The following NHLRC2 variants were observed in gnomAD, a reference collection of about 807,000 sequenced individuals.
The protein encoded by NHLRC2 is NHL repeat-containing protein 2.
A neutral mutation model predicts 68.1 loss-of-function variants in NHLRC2; 33 were observed. That is an observed-to-expected ratio of 0.48 (90% CI 0.37 to 0.65). NHLRC2 has a LOEUF of 0.65. Among genes scored for constraint, NHLRC2 ranks in the 30% least tolerant of loss-of-function variants. The pLI, the probability that NHLRC2 is intolerant of heterozygous loss-of-function variation, is 0.00. For synonymous variants in NHLRC2, 311 were observed against 309.6 expected (o/e 1.00, Z -0.05); for missense variants, 761 against 853.8 (o/e 0.89, Z 1.35).
rs58207579 is a variant in NHLRC2, at chr10:113,874,442, T to TTG, written c.332-2027_332-2026dup. 4.2e-3 allele frequency among the ~76,000 whole-genome samples: 534 copies of TTG among 125,722 alleles called. 2 individuals are homozygous for TTG. Among genetic ancestry groups the TTG allele is most frequent in the African/African-American group, 8.3e-3 (283 of 34,040 alleles). 82.5% of individuals were successfully genotyped at this position (125,722 alleles called of 152,430 possible). On this transcript the variant is annotated intron_variant, in intron 2 of 10. Coordinates refer to ENST00000369301, the MANE Select transcript of NHLRC2 (RefSeq NM_198514.4). ...TCCCAGCTGCTTTCAAGGCATGTGT[T>TTG]TGTGTGTGTGTGTGTGTGTGTGTGT...
chr10:113,861,881 A>T (rs545072669), intron 2 of NHLRC2, among the ~76,000 whole-genome samples: 2 of 149,744 alleles, frequency 1.3e-5, no homozygotes, highest in South Asian at 2.1e-4. Flanking sequence ...TTTTCTATGT[A>T]TTTTTTTTTT....
At chr10:113,884,185 T>C (rs2134716019) in intron 4 of NHLRC2, 66 bp from the exon 5 acceptor site, 7 of 1,482,778 alleles carry the variant, frequency 4.7e-6, no homozygotes, top group Non-Finnish European at 6.5e-6. Context: ...TGAAAATCTT[T>C]ACACAGCAAA....
At chr10:113,897,571 A>G (rs1846187726) in intron 5 of NHLRC2, among the ~76,000 whole-genome samples, 1 of 152,200 alleles carries the variant, frequency 6.6e-6, no homozygotes, top group Non-Finnish European at 1.5e-5. Context: ...CAGTATATGT[A>G]ACATAACAGA....
Position 113,909,532 on chromosome 10 carries a change from TAA to T in NHLRC2, c.*999_*1000del, listed in dbSNP as rs755465869. The T allele has an allele frequency of 6.6e-6, 1 of 152,162 alleles. No homozygotes were observed. The highest frequency in any genetic ancestry group is 1.5e-5 in the Non-Finnish European group (1 of 68,006). 9.4% of individuals were successfully genotyped at this position (152,162 alleles called of 1,614,324 possible). A position where few individuals can be genotyped will look rare whatever the true frequency, so the allele number is the denominator to read the frequency against. On this transcript the variant is annotated 3_prime_UTR_variant, in exon 11 of 11. Transcript: ENST00000369301. ...GTTTTTAAAAATCACTTTTAAGCCTTAAAAGTGAAATTTTCAGTGTGAGGTGC... is the reference window on the plus strand; with the variant it reads ...GTTTTTAAAAATCACTTTTAAGCCTTAAGTGAAATTTTCAGTGTGAGGTGC...
chr10:113,880,650 A>G (rs569603924), intron 4 of NHLRC2, among the ~76,000 whole-genome samples: 2 of 151,920 alleles, frequency 1.3e-5, no homozygotes, highest in Admixed American at 6.6e-5. Context: ...AAAAAAATAC[A>G]TATAATATAT....
intron 2 of NHLRC2, among the ~76,000 whole-genome samples, chr10:113,873,827 G>A (rs1371170201): frequency 3.3e-5 from 5 of 152,058 alleles, no homozygotes; most frequent in Non-Finnish European, 5.9e-5. Context: ...AATTAGAGAC[G>A]CGGAAGGAGG....
At chr10:113,863,968 A>G (rs1845839849) in intron 2 of NHLRC2, among the ~76,000 whole-genome samples, 1 of 152,222 alleles carries the variant, frequency 6.6e-6, no homozygotes. Context: ...TCAATAGCCA[A>G]GATTTAGAAA....
intron 4 of NHLRC2, among the ~76,000 whole-genome samples, chr10:113,880,778 G>A (rs1175072810): frequency 2.0e-5 from 3 of 151,876 alleles, no homozygotes; most frequent in Non-Finnish European, 2.9e-5. Flanking sequence ...GATATTTGTT[G>A]GATGAATTTA....
In NHLRC2 at chr10:113,854,920, C is replaced by G. The variant is rs1368483301; in HGVS notation, c.48C>G (p.Pro16=). 15 of 1,553,552 alleles carry G rather than the reference C, an allele frequency of 9.7e-6. No homozygotes were observed. The highest frequency in any genetic ancestry group is 2.7e-5 in the African/African-American group (2 of 73,158). The change falls in exon 1 of 11, where the codon CCC becomes CCG. Residue 16 remains proline (P), a synonymous_variant. Coordinates refer to ENST00000369301, the MANE Select transcript of NHLRC2 (RefSeq NM_198514.4). ...GRGRSLSGLL[P]AQTSLEYALL... ...GCCGCAGCCTCTCCGGCCTGCTCCC[C>G]GCGCAGACCTCGCTAGAGTACGCCC...
chr10:113,855,586 G>C (rs1564848315), intron 1 of NHLRC2, among the ~76,000 whole-genome samples: 2 of 152,096 alleles, frequency 1.3e-5, no homozygotes, highest in Non-Finnish European at 2.9e-5. Flanking sequence ...ACCTGCCTCA[G>C]CCTCCGGAGT....
At position 113,915,566 on chromosome 10, in the gene NHLRC2, T is replaced by TG. The variant is rs1330412519; in HGVS notation, c.*7031dup. On this transcript the variant is annotated 3_prime_UTR_variant, in exon 11 of 11. Transcript: ENST00000369301. ...AAAATGAAAGGAGACCTCAAACTGA[T>TG]GCTGAGAAGTAGACAAAATCAGCTC... The TG allele has an allele frequency of 1.2e-5, 3 of 253,112 alleles. No individual in the cohort carries two copies. The highest frequency in any genetic ancestry group is 7.0e-5 in the African/African-American group (3 of 42,928). 15.7% of individuals were successfully genotyped at this position (253,112 alleles called of 1,614,324 possible). A position where few individuals can be genotyped will look rare whatever the true frequency, so the allele number is the denominator to read the frequency against.
At chr10:113,878,958 A>C (rs940714831) in intron 3 of NHLRC2, among the ~76,000 whole-genome samples, 2 of 152,200 alleles carry the variant, frequency 1.3e-5, no homozygotes, top group Non-Finnish European at 2.9e-5. Flanking sequence ...CATGGAAATA[A>C]TAGTTACATT....
chr10:113,879,499 A>G, intron 3 of NHLRC2, 75 bp from the exon 4 acceptor site: 2 of 1,283,904 alleles, frequency 1.6e-6, no homozygotes, highest in Non-Finnish European at 2.2e-6. Context: ...CCCAGCATTA[A>G]ATACAAGTTT....
intron 4 of NHLRC2, 115 bp downstream of exon 4, chr10:113,879,810 C>T (rs1846020938): frequency 3.1e-6 from 2 of 653,032 alleles, no homozygotes; most frequent in Non-Finnish European, 4.9e-6. Context: ...TGTCCTTGTT[C>T]TGCTTTTCTT....
intron 5 of NHLRC2, among the ~76,000 whole-genome samples, chr10:113,894,548 C>A (rs1846161546): frequency 6.6e-6 from 1 of 152,010 alleles, no homozygotes; most frequent in East Asian, 1.9e-4. Context: ...TATTTCTAAT[C>A]TTTTTGTGCT....
At chr10:113,896,587 A>G (rs1193477209) in intron 5 of NHLRC2, among the ~76,000 whole-genome samples, 1 of 152,020 alleles carries the variant, frequency 6.6e-6, no homozygotes, top group Non-Finnish European at 1.5e-5. Context: ...TAGTGGGTGC[A>G]GCGCACCAGC....
chr10:113,863,591 C>A (rs1845835974), intron 2 of NHLRC2, among the ~76,000 whole-genome samples: 1 of 151,798 alleles, frequency 6.6e-6, no homozygotes, highest in African/African-American at 2.4e-5. Context: ...ACAGTAAACC[C>A]AAAGCTAACC....
At chr10:113,882,511 C>T (rs1179359632) in intron 4 of NHLRC2, among the ~76,000 whole-genome samples, 1 of 151,736 alleles carries the variant, frequency 6.6e-6, no homozygotes. Flanking sequence ...TGAGAAGTGT[C>T]AGTATTCTTT....
chr10:113,855,988 T>A (rs1360120218), intron 1 of NHLRC2, among the ~76,000 whole-genome samples: 3 of 152,186 alleles, frequency 2.0e-5, no homozygotes, highest in Non-Finnish European at 1.5e-5. Flanking sequence ...AGTTGGATTA[T>A]ACAGGCCCTG....
Sources: allele counts gnomAD v4.1 joint callset (sites outside exome capture counted in the v4.1 genomes callset), GRCh38; gene constraint gnomAD v4.1.1; transcripts MANE v1.5; gene names NCBI Gene and HGNC (gene_info 2026-07-23, HGNC 2026-07-21).